The following ARHGAP15 variants were observed in gnomAD, a reference collection of about 807,000 sequenced individuals.
ARHGAP15 encodes the protein Rho GTPase activating protein 15.
In ARHGAP15, 51 loss-of-function variants were observed where a neutral mutation model predicts 63.7. The observed-to-expected ratio is 0.80, with a 90% CI of 0.64 to 1.01. ARHGAP15 has a LOEUF of 1.01. Ranked by LOEUF, ARHGAP15 falls within the 50% of genes least tolerant of loss-of-function variation. ARHGAP15 has a pLI of 0.00. For synonymous variants in ARHGAP15, 191 were observed against 193.8 expected, an observed-to-expected ratio of 0.99 and a Z score of 0.12; for missense variants, 560 against 564.6, an observed-to-expected ratio of 0.99 and a Z score of 0.08.
chr2:143,261,916 A>T (rs946807474), intron 6 of ARHGAP15, among the ~76,000 whole-genome samples: 2 of 152,120 alleles, frequency 1.3e-5, no homozygotes, highest in Admixed American at 6.6e-5. Flanking sequence ...AGGATAGACA[A>T]GATGAAGCAT....
intron 6 of ARHGAP15, among the ~76,000 whole-genome samples, chr2:143,365,620 C>G (rs1388800713): frequency 6.6e-6 from 1 of 152,190 alleles, no homozygotes; most frequent in African/African-American, 2.4e-5. Context: ...AAATCACCAG[C>G]AAGAAATTAC....
In ARHGAP15 at chr2:143,731,927, C is replaced by G. The variant is rs914797402; in HGVS notation, c.1244+28403C>G. Among the ~76,000 whole-genome samples the G allele has an allele frequency of 3.9e-5, 6 of 152,134 alleles. No homozygotes were observed. The East Asian group carries it at 1.2e-3, about 29-fold the overall frequency. On this transcript the variant is annotated intron_variant, in intron 13 of 13. Coordinates refer to ENST00000295095, the MANE Select transcript of ARHGAP15 (RefSeq NM_018460.4). The stretch of plus-strand genomic sequence containing the variant: ...GAAGGTGTTATTTTCCTAGATCAAC[C>G]AACTAAAAGTGATGGGGTCAGTATT...
chr2:143,741,722 C>A lies in ARHGAP15; in HGVS notation c.1245-26267C>A, dbSNP rs148045462. On this transcript the variant is annotated intron_variant, in intron 13 of 13. Coordinates refer to ENST00000295095, the MANE Select transcript of ARHGAP15 (RefSeq NM_018460.4). ...TATTGTTTTAAAATGGCAGCAGAGA[C>A]CAGGCAGCCTGGAGACTTGAGCAAG... 6.5e-4 allele frequency among the ~76,000 whole-genome samples: 99 copies of A among 152,266 alleles called. 1 individual carries two copies. The highest frequency in any genetic ancestry group is 1.3e-3 in the African/African-American group (52 of 41,544).
chr2:143,135,658 T>G (rs1689106119), intron 1 of ARHGAP15, among the ~76,000 whole-genome samples: 1 of 152,172 alleles, frequency 6.6e-6, no homozygotes, highest in Non-Finnish European at 1.5e-5. Context: ...TGAGCTGCAT[T>G]TGATGCTATC....
intron 8 of ARHGAP15, among the ~76,000 whole-genome samples, chr2:143,455,924 G>C: frequency 6.6e-6 from 1 of 152,034 alleles, no homozygotes; most frequent in East Asian, 1.9e-4. Flanking sequence ...CTGGCCCTAG[G>C]AGGGAGGATC....
intron 4 of ARHGAP15, among the ~76,000 whole-genome samples, chr2:143,225,290 TA>T (rs1397647761): frequency 1.3e-5 from 2 of 151,798 alleles, no homozygotes; most frequent in African/African-American, 2.4e-5. Context: ...AAAAGTAAAT[TA>T]AAAAAATTTG....
intron 6 of ARHGAP15, among the ~76,000 whole-genome samples, chr2:143,390,215 C>T (rs185682805): frequency 6.6e-6 from 1 of 152,142 alleles, no homozygotes; most frequent in Non-Finnish European, 1.5e-5. Context: ...TGCATAGAGA[C>T]AGATTTGCTC....
chr2:143,203,314 C>A (rs149082894), intron 3 of ARHGAP15, among the ~76,000 whole-genome samples: 332 of 152,248 alleles, frequency 2.2e-3, no homozygotes, highest in Middle Eastern at 6.8e-3. Context: ...TAATTGTCTA[C>A]CTTTGCTGTT....
intron 11 of ARHGAP15, among the ~76,000 whole-genome samples, chr2:143,560,637 C>T (rs754066226): frequency 5.9e-5 from 9 of 152,168 alleles, no homozygotes; most frequent in Admixed American, 1.3e-4. Flanking sequence ...CTTTACACCC[C>T]GCCTCTTGGT....
chr2:143,470,862 A>ATG (rs925665310), intron 8 of ARHGAP15, among the ~76,000 whole-genome samples: 3 of 148,758 alleles, frequency 2.0e-5, no homozygotes, highest in Non-Finnish European at 4.5e-5. Context: ...ACGTATATTT[A>ATG]TGTGTGTGTG....
intron 5 of ARHGAP15, among the ~76,000 whole-genome samples, chr2:143,245,417 T>C (rs1694012404): frequency 6.6e-6 from 1 of 152,188 alleles, no homozygotes. Flanking sequence ...CAGATTGTTT[T>C]TGTTGACCTT....
At chr2:143,650,522 A>G (rs1175061224) in intron 12 of ARHGAP15, among the ~76,000 whole-genome samples, 2 of 151,914 alleles carry the variant, frequency 1.3e-5, no homozygotes, top group Non-Finnish European at 2.9e-5. Flanking sequence ...TCTTCAGTGA[A>G]CCAAGTCTTT....
At chr2:143,393,953 T>C (rs927826319) in intron 6 of ARHGAP15, among the ~76,000 whole-genome samples, 5 of 152,160 alleles carry the variant, frequency 3.3e-5, no homozygotes, top group African/African-American at 1.2e-4. Flanking sequence ...TCTTATGAGC[T>C]GGAGGATGGA....
intron 11 of ARHGAP15, among the ~76,000 whole-genome samples, chr2:143,605,111 G>A (rs559765421): frequency 6.6e-6 from 1 of 152,036 alleles, no homozygotes; most frequent in South Asian, 2.1e-4. Context: ...ATTTTACCAT[G>A]TTGGCCAGGT....
Position 143,721,216 on chromosome 2 carries a change from G to A in ARHGAP15, c.1244+17692G>A, listed in dbSNP as rs183076420. On this transcript the variant is annotated intron_variant, in intron 13 of 13. Transcript: ENST00000295095. ...ATCTAAAGACAAGAAACAGGAGGAG[G>A]AAAGAGGTTCTCTGTGGCCAAGAAA... Among the ~76,000 whole-genome samples the A allele has an allele frequency of 9.1e-3, 1,384 of 152,228 alleles. 13 individuals carry two copies. Among genetic ancestry groups the A allele is most frequent in the Non-Finnish European group, 0.015 (993 of 68,020 alleles).
chr2:143,363,183 A>AT (rs892416172), intron 6 of ARHGAP15, among the ~76,000 whole-genome samples: 4 of 151,984 alleles, frequency 2.6e-5, no homozygotes, highest in South Asian at 2.1e-4. Flanking sequence ...GTCTTCATTC[A>AT]TTTTTTTGGA....
chr2:143,617,678 A>C (rs1698501022), intron 11 of ARHGAP15, among the ~76,000 whole-genome samples: 1 of 152,218 alleles, frequency 6.6e-6, no homozygotes, highest in Non-Finnish European at 1.5e-5. Flanking sequence ...GAATGGAAGA[A>C]CACAATTCAG....
At chr2:143,155,782 G>A (rs1690053361) in intron 2 of ARHGAP15, 127 bp downstream of exon 2, 2 of 936,200 alleles carry the variant, frequency 2.1e-6, no homozygotes, top group Non-Finnish European at 3.1e-6. Context: ...TTTTTGTAAT[G>A]CATTTTATCT....
chr2:143,691,693 T>C (rs1040388185), intron 12 of ARHGAP15, among the ~76,000 whole-genome samples: 2 of 152,206 alleles, frequency 1.3e-5, no homozygotes, highest in African/African-American at 4.8e-5. Flanking sequence ...TATTAATGGA[T>C]TGAAAGTGTT....
Sources: allele counts gnomAD v4.1 joint callset (sites outside exome capture counted in the v4.1 genomes callset), GRCh38; gene constraint gnomAD v4.1.1; transcripts MANE v1.5; gene names NCBI Gene and HGNC (gene_info 2026-07-23, HGNC 2026-07-21).